ZNF880: variants seen among roughly 807,000 people sequenced by gnomAD.
ZNF880 encodes zinc finger protein 880.
ZNF880 carries 12 observed loss-of-function variants against 11.8 expected under a neutral mutation model. The ratio of observed to expected loss-of-function variants is 1.02; its 90% CI spans 0.65 to 1.65. The LOEUF (loss-of-function observed/expected upper bound fraction) is 1.65. ZNF880 is among the 40% of genes most tolerant of loss of function. ZNF880 has a pLI of 0.00. For missense variants in ZNF880, 601 were observed against 673.9 expected, an observed-to-expected ratio of 0.89 and a Z score of 1.20; for synonymous variants, 210 against 232.4, an observed-to-expected ratio of 0.90 and a Z score of 0.88.
intron 3 of ZNF880, among the ~76,000 whole-genome samples, chr19:52,383,504 G>T (rs928817324): frequency 1.3e-5 from 2 of 152,148 alleles, no homozygotes; most frequent in Non-Finnish European, 2.9e-5. Flanking sequence ...TTTTCCTGGC[G>T]TGTGGAAGTA....
chr19:52,383,998 A>AACG lies in ZNF880; in HGVS notation c.419_420insCGA (p.Asn140_Ser141insAsp), dbSNP rs2122407889. Reference sequence around the variant, plus strand: ...TAAACATGTCGAAAAACCTATCAACAATTCCTTAGTTTCACCACTTCAAAA... The same window carrying AACG: ...TAAACATGTCGAAAAACCTATCAACAACGATTCCTTAGTTTCACCACTTCAAAA... On this transcript the variant is annotated inframe_insertion, in exon 4 of 4. Transcript: ENST00000422689. 6.4e-7 allele frequency: 1 copy of AACG among 1,553,570 alleles called. No homozygotes were observed. Among genetic ancestry groups the AACG allele is most frequent in the Non-Finnish European group, 8.7e-7 (1 of 1,148,054 alleles).
downstream of ZNF880, among the ~76,000 whole-genome samples, chr19:52,385,997 A>G (rs1986874511): frequency 7.1e-6 from 1 of 141,814 alleles, no homozygotes; most frequent in Non-Finnish European, 1.5e-5. Context: ...AACATGGTGA[A>G]ACCCCATCTC....
intron 3 of ZNF880, among the ~76,000 whole-genome samples, chr19:52,376,532 C>T (rs1235073260): frequency 1.1e-4 from 5 of 45,502 alleles, no homozygotes; most frequent in Middle Eastern, 0.033. Flanking sequence ...TTTTTTGAGA[C>T]AGCGTCTTGC....
At chr19:52,376,505 C>A (rs748599761) in intron 3 of ZNF880, among the ~76,000 whole-genome samples, 6,768 of 103,154 alleles carry the variant, frequency 0.066, 358 homozygotes, top group South Asian at 0.17. Context: ...CGCCCCCCCC[C>A]CCCCTTTTTT....
At chr19:52,381,261 T>G (rs1377233009) in intron 3 of ZNF880, among the ~76,000 whole-genome samples, 1 of 152,188 alleles carries the variant, frequency 6.6e-6, no homozygotes, top group Non-Finnish European at 1.5e-5. Context: ...CATTCTGTAC[T>G]TAGGAGCTCT....
Position 52,385,562 on chromosome 19 carries a change from T to C in ZNF880, c.*248T>C. On this transcript the variant is annotated 3_prime_UTR_variant, in exon 4 of 4. Coordinates refer to ENST00000422689, the MANE Select transcript of ZNF880 (RefSeq NM_001145434.2). Reference sequence around the variant, plus strand: ...GATGAAACCATACAGATGGATTATGTATGCTGAGGCTATTATTCAAGGACC... The same window carrying C: ...GATGAAACCATACAGATGGATTATGCATGCTGAGGCTATTATTCAAGGACC... 7 of 444,614 alleles carry C rather than the reference T, an allele frequency of 1.6e-5. No individual in the cohort carries two copies. The highest frequency in any genetic ancestry group is 2.4e-5 in the Non-Finnish European group (6 of 249,314). 27.5% of individuals were successfully genotyped at this position (444,614 alleles called of 1,614,324 possible).
intron 1 of ZNF880, chr19:52,370,239 G>C (rs1234943285): frequency 7.4e-6 from 4 of 543,858 alleles, no homozygotes; most frequent in Non-Finnish European, 1.3e-5. Context: ...AAATCCTTCA[G>C]TGACCCCTAG....
In ZNF880 at chr19:52,384,029, A is replaced by G. The variant is rs324125; in HGVS notation, c.449A>G (p.Tyr150Cys). ...NSLVSPLQKI[Y>C]SSVKSHILNK... Reference sequence around the variant, plus strand: ...TTAGTTTCACCACTTCAAAAAATTTATTCTAGTGTCAAATCCCACATTTTA... The same window carrying G: ...TTAGTTTCACCACTTCAAAAAATTTGTTCTAGTGTCAAATCCCACATTTTA... Residue 150 changes from tyrosine (Y) to cysteine (C), a missense_variant, in exon 4 of 4, where the codon TAT (tyrosine) becomes TGT (cysteine). Physicochemically the swap from Tyr to Cys is radical, Grantham distance 194 (BLOSUM62 -2). Coordinates refer to ENST00000422689, the MANE Select transcript of ZNF880 (RefSeq NM_001145434.2). 0.13 allele frequency: 209,474 copies of G among 1,555,352 alleles called. 14,987 individuals are homozygous for G. Among genetic ancestry groups the G allele is most frequent in the African/African-American group, 0.24 (17,888 of 73,150 alleles).
At chr19:52,374,452 G>T (rs1986494671) in intron 3 of ZNF880, 25 bp downstream of exon 3, 1 of 1,595,978 alleles carries the variant, frequency 6.3e-7, no homozygotes, top group Admixed American at 1.8e-5. Context: ...GGCCAGAGTG[G>T]AGGCCCCATA....
chr19:52,371,104 C>T (rs1458672426), intron 1 of ZNF880, among the ~76,000 whole-genome samples: 4 of 152,054 alleles, frequency 2.6e-5, no homozygotes, highest in Non-Finnish European at 2.9e-5. Flanking sequence ...TTATCAAAGG[C>T]GCATCATCAG....
At chr19:52,370,174 G>C in intron 1 of ZNF880, 197 bp downstream of exon 1, 2 of 677,216 alleles carry the variant, frequency 3.0e-6, no homozygotes, top group Non-Finnish European at 2.6e-6. Context: ...TCCTGTCCCC[G>C]GTCTTTCACC....
intron 3 of ZNF880, among the ~76,000 whole-genome samples, chr19:52,375,725 T>C (rs951433663): frequency 1.3e-5 from 2 of 152,042 alleles, no homozygotes; most frequent in African/African-American, 2.4e-5. Context: ...CTCCCACTTA[T>C]GAGTGAGAAC....
At chr19:52,383,368 G>T (rs1021194688) in intron 3 of ZNF880, among the ~76,000 whole-genome samples, 3 of 152,056 alleles carry the variant, frequency 2.0e-5, no homozygotes, top group Admixed American at 6.6e-5. Context: ...CGTAATTTTT[G>T]GTTTAGGTTT....
chr19:52,387,424 A>C (rs1986913242), downstream of ZNF880, among the ~76,000 whole-genome samples: 1 of 139,506 alleles, frequency 7.2e-6, no homozygotes, highest in Non-Finnish European at 1.5e-5. Flanking sequence ...AATTTTTATG[A>C]AGCAAAAATA....
intron 2 of ZNF880, 73 bp from the exon 3 acceptor site, chr19:52,374,226 G>A: frequency 9.6e-7 from 1 of 1,039,186 alleles, no homozygotes; most frequent in South Asian, 2.1e-5. Context: ...TTTTTTTTTT[G>A]TATTTTTTAG....
At chr19:52,379,267 T>C (rs2059818) in intron 3 of ZNF880, among the ~76,000 whole-genome samples, 45,773 of 152,022 alleles carry the variant, frequency 0.3, 8,339 homozygotes, top group South Asian at 0.5. Context: ...GTAACACTTA[T>C]ATACACTCCA....
chr19:52,388,306 T>TTTTTTTTTTTTTTTTTG (rs1986949585), downstream of ZNF880, among the ~76,000 whole-genome samples: 1 of 131,184 alleles, frequency 7.6e-6, no homozygotes. Flanking sequence ...TTTTTTTTTT[T>TTTTTTTTTTTTTTTTTG]AGGCAGAGTC....
upstream of ZNF880, chr19:52,366,919 A>G: frequency 1.6e-6 from 1 of 610,160 alleles, no homozygotes; most frequent in East Asian, 2.8e-5. Context: ...AGGAAACCCT[A>G]CAAATGTAAA....
the ZNF880 span, among the ~76,000 whole-genome samples, chr19:52,393,137 A>G: frequency 2.0e-5 from 3 of 151,268 alleles, no homozygotes; most frequent in African/African-American, 7.3e-5. Flanking sequence ...CAGTGGCGCA[A>G]TCTCGGCTCA....
Sources: gnomAD v4.1 joint callset for allele counts (sites outside exome capture counted in the v4.1 genomes callset) on GRCh38, gnomAD v4.1.1 for gene constraint, MANE v1.5 for transcripts, NCBI Gene and HGNC (gene_info 2026-07-23, HGNC 2026-07-21) for gene names.